The following RERE variants were observed in gnomAD, a reference collection of about 807,000 sequenced individuals.
RERE encodes arginine-glutamic acid dipeptide repeats.
In RERE, 40 loss-of-function variants were observed where a neutral mutation model predicts 146.1. The ratio of observed to expected loss-of-function variants is 0.27; its 90% CI spans 0.21 to 0.36. The LOEUF is 0.36. Ranked by LOEUF, RERE falls within the 10% of genes least tolerant of loss-of-function variation. RERE has a pLI of 1.00. For synonymous variants in RERE, 1,003 were observed against 866.0 expected (o/e 1.16, Z -2.78); for missense variants, 1,933 against 2,138.7 (o/e 0.90, Z 1.90).
intron 10 of RERE, among the ~76,000 whole-genome samples, chr1:8,466,709 C>T (rs777708976): frequency 6.6e-6 from 1 of 152,298 alleles, no homozygotes; most frequent in Non-Finnish European, 1.5e-5. Flanking sequence ...TTTTTCAGTA[C>T]ATATGAATAA....
intron 11 of RERE, among the ~76,000 whole-genome samples, chr1:8,437,459 C>G (rs912949379): frequency 6.6e-6 from 1 of 152,016 alleles, no homozygotes; most frequent in Non-Finnish European, 1.5e-5. Flanking sequence ...TACAGGCACT[C>G]TGGTCTCCCG....
At chr1:8,398,504 G>A (rs1304295137) in intron 12 of RERE, among the ~76,000 whole-genome samples, 5 of 152,192 alleles carry the variant, frequency 3.3e-5, no homozygotes, top group African/African-American at 1.2e-4. Context: ...TATTAACAAC[G>A]ACCATCTCTA....
chr1:8,619,320 C>T (rs568586286), intron 3 of RERE, among the ~76,000 whole-genome samples: 3 of 152,288 alleles, frequency 2.0e-5, no homozygotes, highest in Middle Eastern at 6.8e-3. Flanking sequence ...TAAGGAATCT[C>T]TGTATCTGGC....
intron 1 of RERE, among the ~76,000 whole-genome samples, chr1:8,751,269 C>G (rs1376969923): frequency 6.6e-6 from 1 of 152,162 alleles, no homozygotes; most frequent in Non-Finnish European, 1.5e-5. Context: ...AGCCCTGCTA[C>G]TGGAAAAAAC....
At chr1:8,413,941 G>A (rs898401262) in intron 12 of RERE, among the ~76,000 whole-genome samples, 1 of 151,246 alleles carries the variant, frequency 6.6e-6, no homozygotes, top group African/African-American at 2.4e-5. Context: ...TATAATCCCA[G>A]CCATTCGGGA....
intron 12 of RERE, among the ~76,000 whole-genome samples, chr1:8,398,170 G>C (rs1643119505): frequency 1.3e-5 from 2 of 152,236 alleles, no homozygotes. Context: ...AGTAACAGAA[G>C]GGCAGGCATT....
intron 4 of RERE, among the ~76,000 whole-genome samples, chr1:8,595,021 T>A (rs764661556): frequency 6.6e-6 from 1 of 152,006 alleles, no homozygotes; most frequent in Admixed American, 6.6e-5. Context: ...TAGCCAGGTG[T>A]GGTGGCATGT....
At chr1:8,588,467 G>A (rs1453800982) in intron 4 of RERE, among the ~76,000 whole-genome samples, 1 of 152,078 alleles carries the variant, frequency 6.6e-6, no homozygotes, top group Non-Finnish European at 1.5e-5. Context: ...GGGTGGCCAT[G>A]CTTGGTTTTA....
intron 8 of RERE, 69 bp from the exon 9 acceptor site, chr1:8,497,598 A>T (rs1645062544): frequency 6.5e-7 from 1 of 1,537,634 alleles, no homozygotes; most frequent in Admixed American, 1.7e-5. Flanking sequence ...CTCAATAAGC[A>T]GTCTTTAGGA....
chr1:8,626,677 A>G (rs1318830732), intron 2 of RERE, among the ~76,000 whole-genome samples: 1 of 152,120 alleles, frequency 6.6e-6, no homozygotes, highest in East Asian at 1.9e-4. Context: ...ACCCCACAAT[A>G]AACTTCTCCT....
Position 8,364,298 on chromosome 1 carries a change from C to G in RERE, c.1541-43G>C. On this transcript the variant is annotated intron_variant, in intron 14 of 22. Transcript: ENST00000400908. The surrounding 1 kb of genome is among the most constrained non-coding windows in gnomAD (Gnocchi z 5.1). ...TGGGGGCCAACCTTGGAAACCATCC[C>G]TCTCCCTGGGGATGTCTGGGCAGAG... 6.3e-7 allele frequency: 1 copy of G among 1,577,158 alleles called. No homozygotes were observed. The highest frequency in any genetic ancestry group is 1.1e-5 in the South Asian group (1 of 90,242).
intron 1 of RERE, among the ~76,000 whole-genome samples, chr1:8,812,956 C>T (rs1340101061): frequency 1.3e-5 from 2 of 151,804 alleles, no homozygotes; most frequent in African/African-American, 2.4e-5. Context: ...AAAAAAAACA[C>T]ACACACACAC....
At chr1:8,813,419 T>C (rs1641850550) in intron 1 of RERE, among the ~76,000 whole-genome samples, 1 of 152,166 alleles carries the variant, frequency 6.6e-6, no homozygotes, top group Admixed American at 6.5e-5. Context: ...ATCACTGATA[T>C]TTGAAACTAA....
intron 1 of RERE, among the ~76,000 whole-genome samples, chr1:8,775,753 AAAC>A (rs1293404847): frequency 6.6e-6 from 1 of 152,254 alleles, no homozygotes; most frequent in African/African-American, 2.4e-5. Context: ...TGTGTTTGAT[AAAC>A]AATGGAATAT....
chr1:8,429,932 C>G (rs1316704471), intron 11 of RERE: 3 of 152,208 alleles, frequency 2.0e-5, no homozygotes, highest in African/African-American at 7.2e-5. Context: ...ACTGAAGACA[C>G]AGAGCAGCAG....
rs1340463095 is a variant in RERE, at chr1:8,597,390, C to T, written c.522+17171G>A. Among the ~76,000 whole-genome samples, 7 of 152,266 alleles carry T rather than the reference C, an allele frequency of 4.6e-5. No individual in the cohort carries two copies. The East Asian group carries it at 5.8e-4, about 13-fold the overall frequency. The stretch of plus-strand genomic sequence containing the variant: ...TACAGGTGTGAGCCACTGTGCCCAG[C>T]CCCTGATGCTAATTTTTAAATGGAC... On this transcript the variant is annotated intron_variant, in intron 4 of 22. Transcript: ENST00000400908.
chr1:8,524,537 G>T (rs373047309), intron 7 of RERE, among the ~76,000 whole-genome samples: 12 of 152,110 alleles, frequency 7.9e-5, no homozygotes, highest in African/African-American at 2.9e-4. Flanking sequence ...TCCTATGAGG[G>T]TTTTTCAGTT....
chr1:8,356,316 A>G lies in RERE; in HGVS notation c.4340-70T>C. The stretch of plus-strand genomic sequence containing the variant: ...TCAATGTTTGTCCCCCTTGGCTGGA[A>G]TGACCGATGACTTCCTCCTCACCCA... On this transcript the variant is annotated intron_variant, in intron 20 of 22. Transcript: ENST00000400908. The surrounding 1 kb of genome is among the most constrained non-coding windows in gnomAD (Gnocchi z 5.2). The G allele has an allele frequency of 7.2e-7, 1 of 1,397,666 alleles. No homozygotes were observed. Among genetic ancestry groups the G allele is most frequent in the African/African-American group, 1.5e-5 (1 of 65,534 alleles). 86.6% of individuals were successfully genotyped at this position (1,397,666 alleles called of 1,614,324 possible).
intron 1 of RERE, chr1:8,806,823 G>A (rs765442381): frequency 2.6e-5 from 4 of 152,104 alleles, no homozygotes; most frequent in Admixed American, 6.5e-5. Flanking sequence ...TCTTGCTTCA[G>A]GCTACAATAT....
Sources: gnomAD v4.1 joint callset for allele counts (sites outside exome capture counted in the v4.1 genomes callset) on GRCh38, gnomAD v4.1.1 for gene constraint, Gnocchi (gnomAD v3.1) non-coding constraint, MANE v1.5 for transcripts, NCBI Gene and HGNC (gene_info 2026-07-23, HGNC 2026-07-21) for gene names.